The following SH3BP4 variants were observed in gnomAD, a reference collection of about 807,000 sequenced individuals.
SH3BP4 encodes SH3 domain binding protein 4, also known as SH3 domain-binding protein 4.
A neutral mutation model predicts 65.5 loss-of-function variants in SH3BP4; 33 were observed. That is an observed-to-expected ratio of 0.50 (90% CI 0.38 to 0.67). The LOEUF (loss-of-function observed/expected upper bound fraction) is 0.67. SH3BP4 is among the 30% of genes least tolerant of loss of function. The probability of loss-of-function intolerance (pLI) is 0.00; values close to 1 mark genes in which losing one functional copy is unlikely to be tolerated. For missense variants in SH3BP4, 1,134 were observed against 1,261.4 expected (o/e 0.90, Z 1.53); for synonymous variants, 552 against 545.5 (o/e 1.01, Z -0.17).
chr2:235,025,244 G>C (rs1271470488), intron 2 of SH3BP4, among the ~76,000 whole-genome samples: 1 of 152,178 alleles, frequency 6.6e-6, no homozygotes, highest in Non-Finnish European at 1.5e-5. Flanking sequence ...CAGCGGCAGG[G>C]TGAGGGCGGG....
intron 1 of SH3BP4, among the ~76,000 whole-genome samples, chr2:234,994,293 G>A (rs1270499419): frequency 6.6e-6 from 1 of 152,142 alleles, no homozygotes; most frequent in South Asian, 2.1e-4. Flanking sequence ...TGATTGTGAC[G>A]CTCCTTTTAA....
intron 1 of SH3BP4, among the ~76,000 whole-genome samples, chr2:234,970,466 A>T (rs1692969095): frequency 6.6e-6 from 1 of 152,238 alleles, no homozygotes; most frequent in Non-Finnish European, 1.5e-5. Context: ...TGAGCAGTTT[A>T]GACAGTTACC....
chr2:235,014,008 A>G (rs1446002775), intron 2 of SH3BP4, among the ~76,000 whole-genome samples: 1 of 152,150 alleles, frequency 6.6e-6, no homozygotes, highest in Non-Finnish European at 1.5e-5. Context: ...TATGTGTATT[A>G]TGTACTATTG....
intron 2 of SH3BP4, among the ~76,000 whole-genome samples, chr2:235,011,538 T>A (rs1180155193): frequency 6.6e-6 from 1 of 152,204 alleles, no homozygotes; most frequent in Non-Finnish European, 1.5e-5. Context: ...GTTCCACCCA[T>A]AACAGTGGCT....
At chr2:234,959,484 A>G (rs1332991907) in intron 1 of SH3BP4, among the ~76,000 whole-genome samples, 2 of 152,316 alleles carry the variant, frequency 1.3e-5, no homozygotes, top group South Asian at 2.1e-4. Context: ...AGTAAAACTT[A>G]CAATATATGA....
intron 2 of SH3BP4, among the ~76,000 whole-genome samples, chr2:235,015,519 G>T (rs1022133467): frequency 2.6e-5 from 4 of 152,234 alleles, no homozygotes; most frequent in Non-Finnish European, 1.5e-5. Flanking sequence ...CAGTGCTTAG[G>T]CATGACTGCA....
At chr2:235,014,117 G>C (rs770350045) in intron 2 of SH3BP4, among the ~76,000 whole-genome samples, 12 of 152,016 alleles carry the variant, frequency 7.9e-5, no homozygotes, top group Non-Finnish European at 1.8e-4. Context: ...ATGCCTTTGC[G>C]TGGCTCTTAC....
chr2:235,032,319 C>T (rs1392784030), intron 2 of SH3BP4, among the ~76,000 whole-genome samples: 1 of 152,246 alleles, frequency 6.6e-6, no homozygotes, highest in African/African-American at 2.4e-5. Context: ...GGAACTGTCA[C>T]CGTCACACGT....
chr2:235,032,741 G>A (rs1048598621), intron 2 of SH3BP4, among the ~76,000 whole-genome samples: 3 of 152,132 alleles, frequency 2.0e-5, no homozygotes, highest in Non-Finnish European at 4.4e-5. Context: ...GAGCCTCAGC[G>A]TGCCAGACCC....
At position 234,974,983 on chromosome 2, in the gene SH3BP4, C is replaced by A. The variant is rs1474749218; in HGVS notation, c.-206-20320C>A. On this transcript the variant is annotated intron_variant, in intron 1 of 5. Transcript: ENST00000392011. The surrounding 1 kb of genome is among the most constrained non-coding windows in gnomAD (Gnocchi z 4.6). ...AGCATGCCCAGCACACGTCTCAGTC[C>A]CGTCCCTCGGAGCAGGCCAAGCTCG... Among the ~76,000 whole-genome samples the A allele has an allele frequency of 6.6e-6, 1 of 152,160 alleles. No individual in the cohort carries two copies. The highest frequency in any genetic ancestry group is 1.5e-5 in the Non-Finnish European group (1 of 68,032).
Position 235,042,720 on chromosome 2 carries a change from C to T in SH3BP4, c.1951C>T (p.Arg651Cys), listed in dbSNP as rs539590824. 45 of 1,614,194 alleles carry T rather than the reference C, an allele frequency of 2.8e-5. No individual in the cohort carries two copies. The South Asian group carries it at 3.5e-4, about 13-fold the overall frequency. Residue 651 changes from arginine to cysteine, a missense_variant, in exon 4 of 6, where the codon CGC becomes TGC. By Grantham distance (180) the Arg-to-Cys change is radical. Coordinates refer to ENST00000392011, the MANE Select transcript of SH3BP4 (RefSeq NM_014521.3). This position sits in a 1 kb window ranked among gnomAD's most constrained non-coding sequence, Gnocchi z 7.3. The stretch of plus-strand genomic sequence containing the variant: ...TACAAAGTACCCGACTTTCCAGGAC[C>T]GCCCGGTGTCCAGCCTCAAGTTTGG... ...TTTKYPTFQD[R>C]PVSSLKFGKL...
At chr2:234,969,200 G>A (rs1692914556) in intron 1 of SH3BP4, among the ~76,000 whole-genome samples, 1 of 152,232 alleles carries the variant, frequency 6.6e-6, no homozygotes. Flanking sequence ...TTGTTAGGCA[G>A]ACTGACAGCT....
At position 235,052,705 on chromosome 2, in the gene SH3BP4, C is replaced by T. The variant is rs1465158086; in HGVS notation, c.2622C>T (p.Ala874=). ...AGGTCTCCAAGCAGCAGATGGACGC[C>T]TACGAGTCTCCCCACCGGGACAGGA... The part of the protein sequence containing the change: ...LAKVSKQQMD[A]YESPHRDRNG... The change falls in exon 5 of 6, where the codon GCC becomes GCT. Residue 874 remains alanine, a synonymous_variant. Transcript: ENST00000392011. This position sits in a 1 kb window ranked among gnomAD's most constrained non-coding sequence, Gnocchi z 5.0. 13 of 1,605,878 alleles carry T rather than the reference C, an allele frequency of 8.1e-6. No individual in the cohort carries two copies. The highest frequency in any genetic ancestry group is 1.0e-5 in the Non-Finnish European group (12 of 1,176,810).
intron 4 of SH3BP4, among the ~76,000 whole-genome samples, chr2:235,050,052 T>TG (rs1171364326): frequency 1.3e-5 from 2 of 152,034 alleles, no homozygotes; most frequent in East Asian, 1.9e-4. Flanking sequence ...CTCTGCTTCA[T>TG]GGGGGGCTCT....
intron 2 of SH3BP4, among the ~76,000 whole-genome samples, chr2:235,032,554 C>T (rs905385522): frequency 2.0e-5 from 3 of 152,166 alleles, no homozygotes; most frequent in Non-Finnish European, 2.9e-5. Context: ...CCAAGCAGCC[C>T]GGGGGCTTGC....
chr2:234,984,446 C>A (rs1450606034), intron 1 of SH3BP4, among the ~76,000 whole-genome samples: 1 of 152,018 alleles, frequency 6.6e-6, no homozygotes, highest in Non-Finnish European at 1.5e-5. Flanking sequence ...TGGGCTCAAG[C>A]AATCCCCCTG....
rs369685941 is a variant in SH3BP4, at chr2:235,023,151, G to A, written c.-132-11720G>A. Among the ~76,000 whole-genome samples the A allele has an allele frequency of 9.8e-5, 15 of 152,310 alleles. No homozygotes were observed. The South Asian group carries it at 1.5e-3, about 15-fold the overall frequency. The stretch of plus-strand genomic sequence containing the variant: ...GGTGCTCAGTCAAGTATCTGAGAGC[G>A]TCCAGAATCAGCTCAGCTGGCCTCC... On this transcript the variant is annotated intron_variant, in intron 2 of 5. Coordinates refer to ENST00000392011, the MANE Select transcript of SH3BP4 (RefSeq NM_014521.3).
rs866499055 is a variant in SH3BP4, at chr2:235,038,273, A to T, written c.119-2615A>T. On this transcript the variant is annotated intron_variant, in intron 3 of 5. Transcript: ENST00000392011. ...ATTATATATAATATATATTATATAT[A>T]ATATATATTATATATAATATATATA... is the stretch of plus-strand genomic sequence containing the variant. Among the ~76,000 whole-genome samples, 6 of 26,056 alleles carry T rather than the reference A, an allele frequency of 2.3e-4. 1 individual carries two copies. Among genetic ancestry groups the T allele is most frequent in the Admixed American group, 7.5e-4 (1 of 1,326 alleles). 17.1% of individuals were successfully genotyped at this position (26,056 alleles called of 152,430 possible).
chr2:234,970,075 T>TCA (rs1692950939), intron 1 of SH3BP4, among the ~76,000 whole-genome samples: 4 of 102,250 alleles, frequency 3.9e-5, no homozygotes, highest in Non-Finnish European at 9.8e-5. Flanking sequence ...ACACTCACAC[T>TCA]GTCACTCACA....
Sources: allele counts gnomAD v4.1 joint callset (sites outside exome capture counted in the v4.1 genomes callset), GRCh38; gene constraint gnomAD v4.1.1; non-coding constraint Gnocchi (gnomAD v3.1); transcripts MANE v1.5; gene names NCBI Gene and HGNC (gene_info 2026-07-23, HGNC 2026-07-21).